The following ABCA3 variants were observed in gnomAD, a reference collection of about 807,000 sequenced individuals.
ABCA3 encodes the protein ATP binding cassette subfamily A member 3, also known as phospholipid-transporting ATPase ABCA3.
In ABCA3, 88 loss-of-function variants were observed where a neutral mutation model predicts 172.8. The observed-to-expected ratio is 0.51, with a 90% CI of 0.43 to 0.61. The LOEUF is 0.61. Among genes scored for constraint, ABCA3 ranks in the 20% least tolerant of loss-of-function variants. The pLI, the probability that ABCA3 is intolerant of heterozygous loss-of-function variation, is 0.00. For synonymous variants in ABCA3, 1,066 were observed against 983.8 expected, an observed-to-expected ratio of 1.08 and a Z score of -1.56; for missense variants, 2,164 against 2,301.0, an observed-to-expected ratio of 0.94 and a Z score of 1.22.
intron 13 of ABCA3, 141 bp from the exon 14 acceptor site, chr16:2,299,673 C>T (rs185063810): frequency 5.0e-5 from 67 of 1,340,222 alleles, no homozygotes; most frequent in Non-Finnish European, 6.2e-5. Flanking sequence ...AGGGACGTTT[C>T]GGGCAGATGC....
intron 6 of ABCA3, 39 bp from the exon 7 acceptor site, chr16:2,323,727 C>G (rs528142298): frequency 1.2e-6 from 2 of 1,613,346 alleles, no homozygotes; most frequent in African/African-American, 1.3e-5. Context: ...TCCGAGAGAT[C>G]CAGACAGAGG....
chr16:2,289,764 T>C, intron 19 of ABCA3, 144 bp from the exon 20 acceptor site: 1 of 853,068 alleles, frequency 1.2e-6, no homozygotes. Flanking sequence ...TCCTCACTCA[T>C]CAGTGTCTCC....
chr16:2,314,213 G>T (rs926031787), intron 10 of ABCA3, among the ~76,000 whole-genome samples: 3 of 152,114 alleles, frequency 2.0e-5, no homozygotes, highest in African/African-American at 7.2e-5. Flanking sequence ...CAACACAGGG[G>T]CATCCAAGAG....
intron 1 of ABCA3, chr16:2,332,760 G>T: frequency 1.0e-6 from 1 of 998,154 alleles, no homozygotes; most frequent in Non-Finnish European, 1.5e-6. Flanking sequence ...TTTGTGGTTT[G>T]CAGGTATTTT....
rs1191741238 is a variant in ABCA3, at chr16:2,326,227, C to T, written c.102G>A (p.Leu34=). Residue 34 remains leucine, a synonymous_variant, in exon 5 of 33, where the codon CTG becomes CTA. Coordinates refer to ENST00000301732, the MANE Select transcript of ABCA3 (RefSeq NM_001089.3). Reference sequence around the variant, plus strand: ...GGAGCCAGATGAGGATCCCAGAAAACAGCAATGGCAGGAAGAGTTCCAGGA... The same window carrying T: ...GGAGCCAGATGAGGATCCCAGAAAATAGCAATGGCAGGAAGAGTTCCAGGA... The part of the protein sequence containing the change: ...VTVLELFLPL[L]FSGILIWLRL... 1 of 1,613,940 alleles carries T rather than the reference C, an allele frequency of 6.2e-7. No individual in the cohort carries two copies. Among genetic ancestry groups the T allele is most frequent in the African/African-American group, 1.3e-5 (1 of 75,046 alleles).
rs369081312 is a variant in ABCA3, at chr16:2,295,722, G to C, written c.2282C>G (p.Thr761Arg). ...KQKYGAGYHM[T>R]LVKEPHCNPE... ...GTTGCAGTGCGGCTCCTTCACCAGC[G>C]TCATGTGATAGCCGGCACCTGGAAT... Residue 761 changes from threonine (T) to arginine (R), a missense_variant, in exon 18 of 33, where the codon ACG becomes AGG. Thr to Arg is a moderately conservative substitution (Grantham distance 71). Coordinates refer to ENST00000301732, the MANE Select transcript of ABCA3 (RefSeq NM_001089.3). The C allele has an allele frequency of 3.7e-5, 59 of 1,613,986 alleles. No homozygotes were observed. In the Admixed American group the frequency reaches 4.2e-4, roughly 11 times the overall value.
At position 2,285,140 on chromosome 16, in the gene ABCA3, C is replaced by G. The variant is rs1031513996; in HGVS notation, c.3484-142G>C. 2 of 1,001,004 alleles carry G rather than the reference C, an allele frequency of 2.0e-6. No homozygotes were observed. Among genetic ancestry groups the G allele is most frequent in the Non-Finnish European group, 3.0e-6 (2 of 662,840 alleles). 62.0% of individuals were successfully genotyped at this position (1,001,004 alleles called of 1,614,324 possible). A position where few individuals can be genotyped will look rare whatever the true frequency, so the allele number is the denominator to read the frequency against. ...TGTCCATCAGCCCCACAGGCCACGTCTGGCCCCCGCGGTGGCTTTCAGCCC... is the reference window on the plus strand; with the variant it reads ...TGTCCATCAGCCCCACAGGCCACGTGTGGCCCCCGCGGTGGCTTTCAGCCC... On this transcript the variant is annotated intron_variant, in intron 23 of 32. Transcript: ENST00000301732. The surrounding 1 kb of genome is among the most constrained non-coding windows in gnomAD (Gnocchi z 4.7).
chr16:2,283,215 G>A lies in ABCA3; in HGVS notation c.4006C>T (p.Leu1336Phe), dbSNP rs2093657742. 1 of 1,613,378 alleles carries A rather than the reference G, an allele frequency of 6.2e-7. No individual in the cohort carries two copies. Among genetic ancestry groups the A allele is most frequent in the African/African-American group, 1.3e-5 (1 of 75,042 alleles). Reference sequence around the variant, plus strand: ...GTCCGCCTCCTCCGGAGGGCGCAGAGGATGCCCCTGAGTCTCTGAAGCAGG... The same window carrying A: ...GTCCGCCTCCTCCGGAGGGCGCAGAAGATGCCCCTGAGTCTCTGAAGCAGG... ...TNLLQRLRGI[L>F]CALRRRRTLT... Residue 1336 changes from leucine to phenylalanine, a missense_variant, in exon 26 of 33, where the codon CTC becomes TTC. Transcript: ENST00000301732. The surrounding 1 kb of genome is among the most constrained non-coding windows in gnomAD (Gnocchi z 5.4).
intron 1 of ABCA3, among the ~76,000 whole-genome samples, chr16:2,331,562 T>C (rs2093743267): frequency 1.3e-5 from 2 of 152,230 alleles, no homozygotes; most frequent in South Asian, 4.1e-4. Flanking sequence ...AGGCTTTACC[T>C]AAAGTCTCAC....
rs1427367012 is a variant in ABCA3 at position 2,308,523 on chromosome 16, C to T, written c.1212G>A (p.Lys404=). ...PRYNWMTLSQ[K]LCSCLLSNVA... ...CATTAGACAGGAGGCAGGAGCAGAG[C>T]TTCTGGCTCAGAGTCATCCAGTTGT... Residue 404 remains lysine, a synonymous_variant, in exon 11 of 33, where the codon AAG becomes AAA. Transcript: ENST00000301732. 6.8e-6 allele frequency: 11 copies of T among 1,614,114 alleles called. No individual in the cohort carries two copies. The highest frequency in any genetic ancestry group is 8.5e-6 in the Non-Finnish European group (10 of 1,180,046).
chr16:2,334,666 G>A (rs1228961131), intron 1 of ABCA3, among the ~76,000 whole-genome samples: 1 of 150,988 alleles, frequency 6.6e-6, no homozygotes, highest in Non-Finnish European at 1.5e-5. Context: ...ACAGATGCCC[G>A]CCACCACACC....
At chr16:2,300,246 TC>T in intron 12 of ABCA3, 98 bp from the exon 13 acceptor site, 1 of 1,544,708 alleles carries the variant, frequency 6.5e-7, no homozygotes. Context: ...GCAGCCTCTG[TC>T]CCAGGACTTC....
chr16:2,332,967 T>C (rs1432312904), intron 1 of ABCA3, among the ~76,000 whole-genome samples: 2 of 152,150 alleles, frequency 1.3e-5, no homozygotes, highest in Non-Finnish European at 2.9e-5. Flanking sequence ...CCACCATACC[T>C]GGCTACTTAT....
chr16:2,311,256 G>A (rs1025484507), intron 10 of ABCA3, among the ~76,000 whole-genome samples: 1 of 152,144 alleles, frequency 6.6e-6, no homozygotes, highest in Non-Finnish European at 1.5e-5. Context: ...ACAGGCGTGA[G>A]CCACCGCGCC....
Position 2,317,069 on chromosome 16 carries a change from G to A in ABCA3, c.1111+214C>T, listed in dbSNP as rs974858650. On this transcript the variant is annotated intron_variant, in intron 10 of 32. Transcript: ENST00000301732. The stretch of plus-strand genomic sequence containing the variant: ...CCCTTTGGGCTGCTGGACAGCACTC[G>A]GCATGGCCAGCCACACACCTGCCTT... 4.6e-5 allele frequency among the ~76,000 whole-genome samples: 7 copies of A among 152,254 alleles called. No individual in the cohort carries two copies. In the South Asian group the frequency reaches 1.5e-3, roughly 32 times the overall value.
chr16:2,283,319 G>T lies in ABCA3; in HGVS notation c.3902C>A (p.Pro1301Gln), dbSNP rs762699052. The change falls in exon 26 of 33, where the codon CCG (proline) becomes CAG (glutamine). Residue 1301 changes from proline (P) to glutamine (Q), a missense_variant. Pro to Gln is a moderately conservative substitution (Grantham distance 76, BLOSUM62 -1). Around this residue, in one of 3 missense-constraint regions of ABCA3, gnomAD observed 795 missense variants for 881.9 expected, o/e 0.90. Coordinates refer to ENST00000301732, the MANE Select transcript of ABCA3 (RefSeq NM_001089.3). The surrounding 1 kb of genome is among the most constrained non-coding windows in gnomAD (Gnocchi z 5.4). ...GGAGGCCACAAACCGGCCGACCCCCGGGGCGCTCCAGGCATAGAAGTTCTC... is the reference window on the plus strand; with the variant it reads ...GGAGGCCACAAACCGGCCGACCCCCTGGGCGCTCCAGGCATAGAAGTTCTC... ...YQENFYAWSA[P>Q]GVGRFVASMA... 6.2e-7 allele frequency: 1 copy of T among 1,613,186 alleles called. No homozygotes were observed. Among genetic ancestry groups the T allele is most frequent in the Non-Finnish European group, 8.5e-7 (1 of 1,179,990 alleles).
intron 18 of ABCA3, among the ~76,000 whole-genome samples, chr16:2,294,540 T>G (rs2093676910): frequency 6.6e-6 from 1 of 151,770 alleles, no homozygotes; most frequent in Non-Finnish European, 1.5e-5. Context: ...ATAAAAAAAC[T>G]AGCCGGACAT....
In ABCA3 at chr16:2,283,422, C is replaced by T. The variant is rs1222244167; in HGVS notation, c.3863-64G>A. The T allele has an allele frequency of 8.9e-6, 14 of 1,572,008 alleles. No homozygotes were observed. Among genetic ancestry groups the T allele is most frequent in the East Asian group, 6.8e-5 (3 of 44,314 alleles). ...GCACCCTCCTCCCCTTCCAGGTTCC[C>T]GGCCCCCACTCCCCTCCCCAGGCTG... On this transcript the variant is annotated intron_variant, in intron 25 of 32. Coordinates refer to ENST00000301732, the MANE Select transcript of ABCA3 (RefSeq NM_001089.3). This position sits in a 1 kb window ranked among gnomAD's most constrained non-coding sequence, Gnocchi z 5.4.
chr16:2,312,999 G>A (rs2093708978), intron 10 of ABCA3, among the ~76,000 whole-genome samples: 2 of 152,022 alleles, frequency 1.3e-5, no homozygotes, highest in Non-Finnish European at 2.9e-5. Flanking sequence ...AGGTTGCAGT[G>A]AGTCGAGATC....
Sources: gnomAD v4.1 joint callset for allele counts (sites outside exome capture counted in the v4.1 genomes callset) on GRCh38, gnomAD v4.1.1 for gene constraint, gnomAD v4.1.1 regional missense constraint, Gnocchi (gnomAD v3.1) non-coding constraint, MANE v1.5 for transcripts, NCBI Gene and HGNC (gene_info 2026-07-23, HGNC 2026-07-21) for gene names.